Variants in ANKEF1 observed in about 807,000 individuals in gnomAD.
The protein encoded by ANKEF1 is ankyrin repeat and EF-hand domain-containing protein 1.
In ANKEF1, 43 loss-of-function variants were observed where a neutral mutation model predicts 65.1. The observed-to-expected ratio is 0.66, with a 90% confidence interval of 0.52 to 0.85. ANKEF1 has a LOEUF of 0.85. Among genes scored for constraint, ANKEF1 ranks in the 40% least tolerant of loss-of-function variants. ANKEF1 has a pLI of 0.00. For missense variants in ANKEF1, 934 were observed against 952.9 expected, an observed-to-expected ratio of 0.98 and a Z score of 0.26; for synonymous variants, 316 against 341.5, an observed-to-expected ratio of 0.93 and a Z score of 0.82.
chr20:10,044,893 C>A (rs889176113), intron 5 of ANKEF1, among the ~76,000 whole-genome samples: 2 of 152,046 alleles, frequency 1.3e-5, no homozygotes, highest in Non-Finnish European at 2.9e-5. Context: ...TATGGGAGAA[C>A]AATGCCCTCA....
chr20:10,054,647 T>A, intron 10 of ANKEF1, 48 bp downstream of exon 10: 1 of 1,554,226 alleles, frequency 6.4e-7, no homozygotes. Flanking sequence ...GCTCATAATG[T>A]CATTTTTTCA....
chr20:10,039,808 A>G (rs1984066896), intron 3 of ANKEF1, among the ~76,000 whole-genome samples: 1 of 152,212 alleles, frequency 6.6e-6, no homozygotes, highest in South Asian at 2.1e-4. Flanking sequence ...TGTTGGCTCA[A>G]AAATGGTGAC....
intron 6 of ANKEF1, among the ~76,000 whole-genome samples, chr20:10,047,042 C>T (rs952223058): frequency 4.6e-5 from 7 of 152,180 alleles, no homozygotes; most frequent in Admixed American, 3.3e-4. Flanking sequence ...TCAGATTTAA[C>T]ATTATGTATT....
intron 4 of ANKEF1, 114 bp downstream of exon 4, chr20:10,043,435 TTC>T: frequency 1.1e-6 from 1 of 937,254 alleles, no homozygotes; most frequent in Non-Finnish European, 1.6e-6. Context: ...TTCATTTTGA[TTC>T]AAAATGCTTG....
rs1206642843 is a variant in ANKEF1 at position 10,037,911 on chromosome 20, G to A, written c.-44-347G>A. On this transcript the variant is annotated intron_variant, in intron 2 of 10. Transcript: ENST00000378392. ...CCTGCATGATCTCTCTATTTTGCTG[G>A]TGTGAAACCATGTAGATAGATGGTG... 2.0e-5 allele frequency among the ~76,000 whole-genome samples: 3 copies of A among 152,130 alleles called. No homozygotes were observed. The South Asian group carries it at 6.2e-4, about 32-fold the overall frequency.
Position 10,038,726 on chromosome 20 carries a change from T to C in ANKEF1, c.346+79T>C, listed in dbSNP as rs1006368509. ...AGCAATAACATGGACTCTTTTTGTT[T>C]TCCAACTTTAGAAGTGAATTACTTA... is the stretch of plus-strand genomic sequence containing the variant. On this transcript the variant is annotated intron_variant, in intron 3 of 10. Coordinates refer to ENST00000378392, the MANE Select transcript of ANKEF1 (RefSeq NM_022096.6). The C allele has an allele frequency of 6.0e-6, 7 of 1,159,712 alleles. No homozygotes were observed. In the African/African-American group the frequency reaches 1.1e-4, roughly 18 times the overall value. 71.8% of individuals were successfully genotyped at this position (1,159,712 alleles called of 1,614,324 possible). A position where few individuals can be genotyped will look rare whatever the true frequency, so the allele number is the denominator to read the frequency against.
At chr20:10,051,057 CAT>C (rs1170221159) in intron 7 of ANKEF1, among the ~76,000 whole-genome samples, 2 of 152,082 alleles carry the variant, frequency 1.3e-5, no homozygotes, top group Non-Finnish European at 2.9e-5. Context: ...TCAGTTCTGT[CAT>C]GTATGTAATG....
intron 8 of ANKEF1, 54 bp from the exon 9 acceptor site, chr20:10,053,058 G>T: frequency 6.6e-7 from 1 of 1,505,926 alleles, no homozygotes; most frequent in African/African-American, 1.4e-5. Flanking sequence ...TTTCTACATG[G>T]TTTATCATTA....
At position 10,053,106 on chromosome 20, in the gene ANKEF1, C is replaced by T; in HGVS notation, c.1871-6C>T. 1 of 1,573,430 alleles carries T rather than the reference C, an allele frequency of 6.4e-7. No homozygotes were observed. Among genetic ancestry groups the T allele is most frequent in the Non-Finnish European group, 8.6e-7 (1 of 1,166,646 alleles). ...TCACTCTGAATTTATGTTTATGTTT[C>T]AACAGGGCATAGTGCCATGGACGTT... is the stretch of plus-strand genomic sequence containing the variant. On this transcript the variant is annotated splice_polypyrimidine_tract_variant and splice_region_variant and intron_variant, in intron 8 of 10. Transcript: ENST00000378392.
Position 10,038,548 on chromosome 20 carries a change from A to T in ANKEF1, c.247A>T (p.Thr83Ser). 1 of 1,614,186 alleles carries T rather than the reference A, an allele frequency of 6.2e-7. No individual in the cohort carries two copies. Among genetic ancestry groups the T allele is most frequent in the Non-Finnish European group, 8.5e-7 (1 of 1,180,036 alleles). ...TGATGTGCAAGACCGAATGGGCTGTACTCCCACAATGAGGGCTGCAGAACT... is the reference window on the plus strand; with the variant it reads ...TGATGTGCAAGACCGAATGGGCTGTTCTCCCACAATGAGGGCTGCAGAACT... The part of the protein sequence containing the change: ...HPDVQDRMGC[T>S]PTMRAAELGH... The change falls in exon 3 of 11, where the codon ACT becomes TCT. Residue 83 changes from threonine to serine, a missense_variant. By Grantham distance (58) the Thr-to-Ser change is moderately conservative. Transcript: ENST00000378392.
rs1984490986 is a variant in ANKEF1 at position 10,045,831 on chromosome 20, G to A, written c.820+134G>A. ...GCAAAACCTCACTCATATGTAGAAA[G>A]AAAATTGAAAATTATTTCTTATACT... On this transcript the variant is annotated intron_variant, in intron 6 of 10. Coordinates refer to ENST00000378392, the MANE Select transcript of ANKEF1 (RefSeq NM_022096.6). The A allele has an allele frequency of 7.7e-6, 6 of 779,162 alleles. 1 individual carries two copies. In the South Asian group the frequency reaches 1.2e-4, roughly 15 times the overall value. The allele number at this position is 779,162 out of a possible 1,614,324, so 48.3% of individuals were successfully genotyped here.
At position 10,055,632 on chromosome 20, in the gene ANKEF1, G is replaced by A. The variant is rs749900173; in HGVS notation, c.2303G>A (p.Arg768Gln). Reference sequence around the variant, plus strand: ...CAGAAGAACATCACAGAGAAAGCTCGAGCACTGGAAGCTGCCTTGAAGACC... The same window carrying A: ...CAGAAGAACATCACAGAGAAAGCTCAAGCACTGGAAGCTGCCTTGAAGACC... ...PFQKNITEKA[R>Q]ALEAALKT is the part of the protein sequence containing the mutation. The change falls in exon 11 of 11, where the codon CGA becomes CAA. Residue 768 changes from arginine to glutamine, a missense_variant. Physicochemically the swap from Arg to Gln is conservative, Grantham distance 43 (BLOSUM62 1). Coordinates refer to ENST00000378392, the MANE Select transcript of ANKEF1 (RefSeq NM_022096.6). 29 of 1,613,622 alleles carry A rather than the reference G, an allele frequency of 1.8e-5. No homozygotes were observed. The Admixed American group carries it at 2.8e-4, about 16-fold the overall frequency.
chr20:10,040,675 A>G (rs1308805954), intron 3 of ANKEF1: 2 of 152,210 alleles, frequency 1.3e-5, no homozygotes, highest in Non-Finnish European at 1.5e-5. Flanking sequence ...GATAAGGTAC[A>G]ATATTTTTCA....
rs1425052829 is a variant in ANKEF1 at position 10,035,329 on chromosome 20, AAG to A, written c.-110_-109del. On this transcript the variant is annotated splice_region_variant and 5_prime_UTR_variant, in exon 1 of 11. Coordinates refer to ENST00000378392, the MANE Select transcript of ANKEF1 (RefSeq NM_022096.6). The stretch of plus-strand genomic sequence containing the variant: ...CTGGCTTCTGATCGCCCGGAAGACT[AAG>A]AGGTGAGCATGACACATGGCTTTTC... The A allele has an allele frequency of 2.0e-5, 3 of 152,370 alleles. No individual in the cohort carries two copies. The highest frequency in any genetic ancestry group is 7.2e-5 in the African/African-American group (3 of 41,464). 9.4% of individuals were successfully genotyped at this position (152,370 alleles called of 1,614,324 possible).
At chr20:10,043,465 T>C in intron 4 of ANKEF1, 144 bp downstream of exon 4, 1 of 734,948 alleles carries the variant, frequency 1.4e-6, no homozygotes, top group Non-Finnish European at 2.2e-6. Context: ...TATACGTTTA[T>C]TATCTTCATA....
intron 10 of ANKEF1, among the ~76,000 whole-genome samples, 169 bp from the exon 11 acceptor site, chr20:10,055,332 GA>G (rs1172769059): frequency 6.6e-5 from 10 of 152,278 alleles, no homozygotes; most frequent in South Asian, 2.1e-4. Flanking sequence ...TGTCATATGA[GA>G]GGGGGGGAAG....
Position 10,045,707 on chromosome 20 carries a change from T to C in ANKEF1, c.820+10T>C, listed in dbSNP as rs1984481042. 1 of 1,613,236 alleles carries C rather than the reference T, an allele frequency of 6.2e-7. No individual in the cohort carries two copies. The highest frequency in any genetic ancestry group is 1.3e-5 in the African/African-American group (1 of 75,006). On this transcript the variant is annotated intron_variant, in intron 6 of 10. Coordinates refer to ENST00000378392, the MANE Select transcript of ANKEF1 (RefSeq NM_022096.6). ...TATATAGCTCAGCGAGGTAAAATTG[T>C]CTAGCAATTTTGTGCTTCAAGTACT... is the stretch of plus-strand genomic sequence containing the variant.
In ANKEF1 at chr20:10,050,228, G is replaced by A. The variant is rs545444897; in HGVS notation, c.1643+16G>A. On this transcript the variant is annotated intron_variant, in intron 7 of 10. Coordinates refer to ENST00000378392, the MANE Select transcript of ANKEF1 (RefSeq NM_022096.6). ...TTGAAAAAGGGTACGCGTCTCCGTC[G>A]GGTGTGGCCTAAATTTTCACGAGTC... 5.1e-6 allele frequency: 8 copies of A among 1,562,020 alleles called. No individual in the cohort carries two copies. The East Asian group carries it at 9.0e-5, about 18-fold the overall frequency.
chr20:10,037,934 G>A (rs1429297643), intron 2 of ANKEF1, among the ~76,000 whole-genome samples: 1 of 152,146 alleles, frequency 6.6e-6, no homozygotes, highest in African/African-American at 2.4e-5. Flanking sequence ...TAGATAGATG[G>A]TGGGAACTCA....
Sources: allele counts gnomAD v4.1 joint callset (sites outside exome capture counted in the v4.1 genomes callset), GRCh38; gene constraint gnomAD v4.1.1; transcripts MANE v1.5; gene names NCBI Gene and HGNC (gene_info 2026-07-23, HGNC 2026-07-21).